Variants in NUP205 observed in about 807,000 individuals in gnomAD.
NUP205 encodes nuclear pore complex protein Nup205.
Under a neutral mutation model 253.8 loss-of-function variants are expected in NUP205, and 76 were observed. The observed-to-expected ratio is 0.30, with a 90% confidence interval of 0.25 to 0.36. NUP205 has a LOEUF of 0.36. Ranked by LOEUF, NUP205 falls within the 10% of genes least tolerant of loss-of-function variation. The pLI is 1.00. For synonymous variants in NUP205, 832 were observed against 850.1 expected (o/e 0.98, Z 0.37); for missense variants, 2,162 against 2,425.5 (o/e 0.89, Z 2.28).
intron 3 of NUP205, 151 bp from the exon 4 acceptor site, chr7:135,576,119 G>A (rs1418904768): frequency 7.6e-6 from 4 of 526,914 alleles, no homozygotes; most frequent in Non-Finnish European, 1.0e-5. Context: ...AAGTTAGACA[G>A]TGGATGGATG....
At chr7:135,623,473 A>G (rs1794518866) in intron 31 of NUP205, among the ~76,000 whole-genome samples, 2 of 152,104 alleles carry the variant, frequency 1.3e-5, no homozygotes. Context: ...CTTCTTGCTA[A>G]TTTTGAGGTT....
intron 7 of NUP205, among the ~76,000 whole-genome samples, chr7:135,579,146 CTTTT>C (rs1806234128): frequency 6.6e-6 from 1 of 151,980 alleles, no homozygotes; most frequent in Non-Finnish European, 1.5e-5. Context: ...TGACAATGCT[CTTTT>C]ACCTTCAGGG....
At chr7:135,644,855 C>T in intron 39 of NUP205, 40 bp from the exon 40 acceptor site, 1 of 1,594,088 alleles carries the variant, frequency 6.3e-7, no homozygotes. Flanking sequence ...AAATTTCATT[C>T]CAGTTGATGT....
intron 10 of NUP205, among the ~76,000 whole-genome samples, chr7:135,590,680 G>C (rs530743513): frequency 1.2e-4 from 18 of 151,898 alleles, no homozygotes; most frequent in Non-Finnish European, 1.9e-4. Context: ...CTACAGGTGT[G>C]TGCCACCACA....
At position 135,616,642 on chromosome 7, in the gene NUP205, G is replaced by T; in HGVS notation, c.3461-13G>T. 6 of 1,490,524 alleles carry T rather than the reference G, an allele frequency of 4.0e-6. No homozygotes were observed. Among genetic ancestry groups the T allele is most frequent in the South Asian group, 1.3e-5 (1 of 77,512 alleles). The allele number at this position is 1,490,524 out of a possible 1,614,324, so 92.3% of individuals were successfully genotyped here. On this transcript the variant is annotated splice_polypyrimidine_tract_variant and intron_variant, in intron 24 of 42. Transcript: ENST00000285968. ...CTTCTTTTTCTGATTCAATATTATT[G>T]ATATTCCAACAGATGGTGAAGGAGG...
At chr7:135,560,261 G>C (rs1805548002) in intron 1 of NUP205, among the ~76,000 whole-genome samples, 1 of 152,072 alleles carries the variant, frequency 6.6e-6, no homozygotes, top group Non-Finnish European at 1.5e-5. Context: ...ATCCCAAAGT[G>C]CTGGGATTAC....
At chr7:135,612,620 C>T (rs1794267871) in intron 22 of NUP205, among the ~76,000 whole-genome samples, 1 of 152,160 alleles carries the variant, frequency 6.6e-6, no homozygotes, top group African/African-American at 2.4e-5. Flanking sequence ...ACAGGAAAAG[C>T]ATTGCTCCAT....
At position 135,576,376 on chromosome 7, in the gene NUP205, A is replaced by G; in HGVS notation, c.450A>G (p.Ile150Met). The change falls in exon 4 of 43, where the codon ATA becomes ATG. Residue 150 changes from isoleucine to methionine, a missense_variant. Coordinates refer to ENST00000285968, the MANE Select transcript of NUP205 (RefSeq NM_015135.3). ...TTGCGAATTCCTTGAAAGCCTTGAT[A>G]CAGTCTAGACGGGGAAAGACATGGA... ...RCIANSLKAL[I>M]QSRRGKTWTL... 1 of 1,613,878 alleles carries G rather than the reference A, an allele frequency of 6.2e-7. No homozygotes were observed. The highest frequency in any genetic ancestry group is 8.5e-7 in the Non-Finnish European group (1 of 1,179,854).
intron 32 of NUP205, 116 bp downstream of exon 32, chr7:135,625,471 T>C: frequency 1.3e-6 from 1 of 796,228 alleles, no homozygotes; most frequent in Non-Finnish European, 1.9e-6. Context: ...TAAGCTGGAA[T>C]CCTTTTTTAA....
intron 39 of NUP205, among the ~76,000 whole-genome samples, chr7:135,644,282 G>A (rs1189861747): frequency 1.3e-5 from 2 of 152,160 alleles, no homozygotes; most frequent in East Asian, 3.8e-4. Flanking sequence ...GTTCATGCCT[G>A]GCAGTCCTTC....
At chr7:135,566,807 G>T (rs1455103616) in intron 1 of NUP205, among the ~76,000 whole-genome samples, 2 of 151,736 alleles carry the variant, frequency 1.3e-5, no homozygotes, top group Admixed American at 6.6e-5. Context: ...GCGCAATCTC[G>T]GCTCACTGCA....
intron 16 of NUP205, 84 bp downstream of exon 16, chr7:135,601,053 T>G: frequency 3.0e-6 from 2 of 669,026 alleles, no homozygotes; most frequent in Non-Finnish European, 5.0e-6. Context: ...AAATTAAAAA[T>G]TATACTTTTA....
At chr7:135,607,187 C>CGA in intron 21 of NUP205, 60 bp from the exon 22 acceptor site, 1 of 1,590,494 alleles carries the variant, frequency 6.3e-7, no homozygotes, top group Non-Finnish European at 8.6e-7. Flanking sequence ...AAAAGGCAGT[C>CGA]TAAGATTTTA....
rs147722934 is a variant in NUP205 at position 135,606,751 on chromosome 7, G to T, written c.2906G>T (p.Gly969Val). 3.8e-5 allele frequency: 62 copies of T among 1,612,536 alleles called. No individual in the cohort carries two copies. The Middle Eastern group carries it at 1.3e-3, about 34-fold the overall frequency. The change falls in exon 21 of 43, where the codon GGA (glycine) becomes GTA (valine). Residue 969 changes from glycine to valine, a missense_variant and splice_region_variant. By Grantham distance (109) the Gly-to-Val change is moderately radical. Coordinates refer to ENST00000285968, the MANE Select transcript of NUP205 (RefSeq NM_015135.3). The stretch of plus-strand genomic sequence containing the variant: ...TTTGTTTTGTGATTTCTGCATTAAG[G>T]ATCAGAACTTGAAAAGAAATTAGTT... ...DAEEFVRLEE[G>V]SELEKKLVAI...
At chr7:135,604,312 TTCC>T in intron 18 of NUP205, 25 bp from the exon 19 acceptor site, 1 of 1,571,358 alleles carries the variant, frequency 6.4e-7, no homozygotes, top group South Asian at 1.2e-5. Flanking sequence ...TTTATCACTG[TTCC>T]TCAAATGTTT....
At chr7:135,627,874 A>G (rs1420163448) in intron 33 of NUP205, 99 bp from the exon 34 acceptor site, 2 of 1,239,904 alleles carry the variant, frequency 1.6e-6, no homozygotes, top group Non-Finnish European at 2.3e-6. Context: ...TCACATCTTA[A>G]TCAGCCGGCT....
chr7:135,631,075 A>G (rs1794703981), intron 35 of NUP205, among the ~76,000 whole-genome samples: 1 of 151,366 alleles, frequency 6.6e-6, no homozygotes, highest in African/African-American at 2.4e-5. Flanking sequence ...GTACGTACAT[A>G]TGAGAAAGGG....
chr7:135,591,280 A>C (rs1445896050), intron 10 of NUP205, among the ~76,000 whole-genome samples, 170 bp from the exon 11 acceptor site: 1 of 152,230 alleles, frequency 6.6e-6, no homozygotes. Flanking sequence ...TAAATTGCTA[A>C]TGACAAGCTT....
intron 22 of NUP205, among the ~76,000 whole-genome samples, chr7:135,609,507 G>A (rs1794177939): frequency 6.6e-6 from 1 of 151,216 alleles, no homozygotes; most frequent in Admixed American, 6.6e-5. Flanking sequence ...AATTATCCGG[G>A]CATGGTGGTG....
Sources: gnomAD v4.1 joint callset for allele counts (sites outside exome capture counted in the v4.1 genomes callset) on GRCh38, gnomAD v4.1.1 for gene constraint, MANE v1.5 for transcripts, NCBI Gene and HGNC (gene_info 2026-07-23, HGNC 2026-07-21) for gene names.